ERO1A: variants seen among roughly 807,000 people sequenced by gnomAD.
ERO1A encodes the protein endoplasmic reticulum oxidoreductase 1 alpha.
ERO1A carries 49 observed loss-of-function variants against 76.9 expected under a neutral mutation model. That is an observed-to-expected ratio of 0.64 (90% CI 0.51 to 0.81). The LOEUF is 0.81. Among genes scored for constraint, ERO1A ranks in the 30% least tolerant of loss-of-function variants. The probability of loss-of-function intolerance (pLI) is 0.00; values close to 1 mark genes in which losing one functional copy is unlikely to be tolerated. For synonymous variants in ERO1A, 174 were observed against 181.2 expected (o/e 0.96, Z 0.32); for missense variants, 448 against 542.1 (o/e 0.83, Z 1.72).
Position 52,666,515 on chromosome 14 carries a change from A to G in ERO1A, c.509-20T>C. ...GAATGTCTGTAAAATAAAATGTCTT[A>G]TTAAACCTTTCTTATCCTCAGTTAC... On this transcript the variant is annotated intron_variant, in intron 6 of 15. Transcript: ENST00000395686. 6.3e-7 allele frequency: 1 copy of G among 1,593,916 alleles called. No individual in the cohort carries two copies. The highest frequency in any genetic ancestry group is 8.5e-7 in the Non-Finnish European group (1 of 1,171,380).
At position 52,695,486 on chromosome 14, in the gene ERO1A, G is replaced by C. The variant is rs1189650470; in HGVS notation, c.-5C>G. ...GAATCCCCAGCCGCGGCCCATTGCA[G>C]CTCCGGCAGCTTGTCGCCCCACGCT... On this transcript the variant is annotated 5_prime_UTR_variant, in exon 1 of 16. Transcript: ENST00000395686. 6.7e-7 allele frequency: 1 copy of C among 1,494,784 alleles called. No individual in the cohort carries two copies. The highest frequency in any genetic ancestry group is 9.0e-7 in the Non-Finnish European group (1 of 1,116,872). 92.6% of individuals were successfully genotyped at this position (1,494,784 alleles called of 1,614,324 possible). A position where few individuals can be genotyped will look rare whatever the true frequency, so the allele number is the denominator to read the frequency against.
chr14:52,662,305 C>A (rs1248297941), intron 8 of ERO1A, among the ~76,000 whole-genome samples: 1 of 152,156 alleles, frequency 6.6e-6, no homozygotes, highest in Non-Finnish European at 1.5e-5. Context: ...AAATCAATGG[C>A]TTCCACTGAG....
chr14:52,693,776 G>C (rs1388717529), intron 1 of ERO1A, among the ~76,000 whole-genome samples: 1 of 152,046 alleles, frequency 6.6e-6, no homozygotes, highest in Non-Finnish European at 1.5e-5. Context: ...GGGATTACAG[G>C]CTGGAGCCAC....
rs1429394385 is a variant in ERO1A, at chr14:52,642,367, C to T, written c.*1203G>A. ...TGGGCAACACAGCAAAACCTTGTCT[C>T]TAAAAAAAATTTTAATAAAATAAAT... On this transcript the variant is annotated 3_prime_UTR_variant, in exon 16 of 16. Transcript: ENST00000395686. 6.6e-6 allele frequency: 1 copy of T among 151,956 alleles called. No individual in the cohort carries two copies. The highest frequency in any genetic ancestry group is 2.4e-5 in the African/African-American group (1 of 41,366). The allele number at this position is 151,956 out of a possible 1,614,324, so 9.4% of individuals were successfully genotyped here. A position where few individuals can be genotyped will look rare whatever the true frequency, so the allele number is the denominator to read the frequency against.
Position 52,641,221 on chromosome 14 carries a change from G to C in ERO1A, c.*2349C>G, listed in dbSNP as rs1194640967. 1 of 152,108 alleles carries C rather than the reference G, an allele frequency of 6.6e-6. No individual in the cohort carries two copies. Among genetic ancestry groups the C allele is most frequent in the Non-Finnish European group, 1.5e-5 (1 of 68,044 alleles). 9.4% of individuals were successfully genotyped at this position (152,108 alleles called of 1,614,324 possible). ...CTTTACAGGAAGGGACTGTTAACCA[G>C]AGAGCCAAATGGCAGATTTTAGTTA... On this transcript the variant is annotated 3_prime_UTR_variant, in exon 16 of 16. Transcript: ENST00000395686.
intron 3 of ERO1A, among the ~76,000 whole-genome samples, chr14:52,680,950 A>AC (rs1425939052): frequency 6.6e-6 from 1 of 152,170 alleles, no homozygotes; most frequent in African/African-American, 2.4e-5. Context: ...ACCACTTCAC[A>AC]CCTATTAGGA....
chr14:52,652,898 G>T (rs1285293418), intron 12 of ERO1A, among the ~76,000 whole-genome samples, 171 bp downstream of exon 12: 1 of 152,024 alleles, frequency 6.6e-6, no homozygotes, highest in African/African-American at 2.4e-5. Flanking sequence ...CTTGGGCTGA[G>T]ATGGGAGGAC....
In ERO1A at chr14:52,695,558, T is replaced by A. The variant is rs1045842319; in HGVS notation, c.-77A>T. The stretch of plus-strand genomic sequence containing the variant: ...CGGTCGCGGGCCGTGCGCCCTCAGA[T>A]GAAGCCCGTGCGGGCCGGCCCCAGC... On this transcript the variant is annotated 5_prime_UTR_variant, in exon 1 of 16. Coordinates refer to ENST00000395686, the MANE Select transcript of ERO1A (RefSeq NM_014584.3). The A allele has an allele frequency of 2.2e-5, 24 of 1,067,734 alleles. No homozygotes were observed. The African/African-American group carries it at 3.6e-4, about 16-fold the overall frequency. 66.1% of individuals were successfully genotyped at this position (1,067,734 alleles called of 1,614,324 possible).
At chr14:52,645,113 A>G (rs1261862623) in intron 15 of ERO1A, among the ~76,000 whole-genome samples, 1 of 152,096 alleles carries the variant, frequency 6.6e-6, no homozygotes, top group Admixed American at 6.5e-5. Flanking sequence ...ACCTTTTTAT[A>G]TAATGGTGAG....
intron 6 of ERO1A, among the ~76,000 whole-genome samples, chr14:52,669,600 G>A (rs981066547): frequency 6.6e-6 from 1 of 151,990 alleles, no homozygotes; most frequent in Admixed American, 6.6e-5. Context: ...AACATATATC[G>A]CATATTACTC....
At chr14:52,646,132 A>G (rs773346244) in intron 15 of ERO1A, 22 bp downstream of exon 15, 3 of 1,593,486 alleles carry the variant, frequency 1.9e-6, no homozygotes, top group Middle Eastern at 3.4e-4. Flanking sequence ...TACCAGAAGC[A>G]TTTCAGTACA....
rs181659327 is a variant in ERO1A at position 52,651,228 on chromosome 14, C to T, written c.1125+1011G>A. On this transcript the variant is annotated intron_variant, in intron 13 of 15. Transcript: ENST00000395686. ...GCTTGAGCACAGAATTTCAAGGTAG[C>T]AATGAGCCGTGATTGTATCACTGCA... Among the ~76,000 whole-genome samples, 19 of 151,908 alleles carry T rather than the reference C, an allele frequency of 1.3e-4. No individual in the cohort carries two copies. In the East Asian group the frequency reaches 2.3e-3, roughly 19 times the overall value.
intron 3 of ERO1A, among the ~76,000 whole-genome samples, chr14:52,680,539 C>T (rs2040958834): frequency 6.6e-6 from 1 of 152,094 alleles, no homozygotes; most frequent in Admixed American, 6.6e-5. Flanking sequence ...TAATAAAAAG[C>T]TCATTTAATG....
intron 13 of ERO1A, among the ~76,000 whole-genome samples, chr14:52,649,362 T>C (rs1469263891): frequency 1.3e-5 from 2 of 152,216 alleles, no homozygotes; most frequent in African/African-American, 4.8e-5. Context: ...AAGATGAGAT[T>C]TTTAAAATTA....
chr14:52,678,201 T>C (rs1031177427), intron 4 of ERO1A: 20 of 319,572 alleles, frequency 6.3e-5, no homozygotes, highest in African/African-American at 4.1e-4. Flanking sequence ...GAGGCGGAGG[T>C]TGCAGTGAGC....
chr14:52,666,336 C>T (rs373585382), intron 7 of ERO1A, 39 bp downstream of exon 7: 3 of 1,431,476 alleles, frequency 2.1e-6, no homozygotes, highest in Admixed American at 2.2e-5. Context: ...GAAATCACCA[C>T]ATCTTATAGG....
At chr14:52,672,060 T>C (rs923860426) in intron 4 of ERO1A, 189 bp from the exon 5 acceptor site, 3 of 462,822 alleles carry the variant, frequency 6.5e-6, no homozygotes, top group Non-Finnish European at 1.1e-5. Flanking sequence ...ATCCCGGCAC[T>C]GTGGGAGCCC....
intron 13 of ERO1A, among the ~76,000 whole-genome samples, chr14:52,648,117 G>A (rs1200194738): frequency 6.6e-6 from 1 of 151,996 alleles, no homozygotes; most frequent in East Asian, 1.9e-4. Flanking sequence ...AGCCCAAATT[G>A]TTCATTGTTA....
intron 11 of ERO1A, among the ~76,000 whole-genome samples, chr14:52,654,973 C>T (rs1236425463): frequency 6.6e-6 from 1 of 152,178 alleles, no homozygotes; most frequent in Non-Finnish European, 1.5e-5. Context: ...ATCAATATAA[C>T]TTTCAAATCA....
Sources: gnomAD v4.1 joint callset for allele counts (sites outside exome capture counted in the v4.1 genomes callset) on GRCh38, gnomAD v4.1.1 for gene constraint, MANE v1.5 for transcripts, NCBI Gene and HGNC (gene_info 2026-07-23, HGNC 2026-07-21) for gene names.